The following FSAF1 variants were observed in gnomAD, a reference collection of about 807,000 sequenced individuals.
The protein encoded by FSAF1 is uncharacterized protein C1orf131.
At chr1:231,225,402 G>T in the FSAF1 span, 1 of 1,451,038 alleles carries the variant, frequency 6.9e-7, no homozygotes, top group African/African-American at 1.4e-5. Flanking sequence ...CATTCAAGGC[G>T]TCCTTGTCAG....
the FSAF1 span, among the ~76,000 whole-genome samples, chr1:231,232,371 G>A: frequency 6.6e-6 from 1 of 152,160 alleles, no homozygotes; most frequent in Non-Finnish European, 1.5e-5. Context: ...CAGAGGGGGT[G>A]TGTGCCTACT....
the FSAF1 span, chr1:231,236,642 A>C: frequency 6.6e-6 from 1 of 152,220 alleles, no homozygotes; most frequent in Non-Finnish European, 1.5e-5. Flanking sequence ...CAGAAAAAAG[A>C]ACATGAGGGA....
the FSAF1 span, among the ~76,000 whole-genome samples, chr1:231,232,046 A>G: frequency 8.2e-4 from 125 of 151,950 alleles, no homozygotes; most frequent in Middle Eastern, 0.01. Flanking sequence ...AACTTTTGGG[A>G]AAAAAAAATT....
At chr1:231,224,131 A>G in the FSAF1 span, 1 of 929,352 alleles carries the variant, frequency 1.1e-6, no homozygotes, top group Non-Finnish European at 1.5e-6. Context: ...GGCAACTAGA[A>G]ATGTTACTTC....
the FSAF1 span, chr1:231,225,248 T>C: frequency 7.0e-6 from 4 of 572,776 alleles, no homozygotes; most frequent in African/African-American, 5.6e-5. Context: ...TCACTTAGAG[T>C]GTCGGTGAAA....
chr1:231,225,305 T>C, the FSAF1 span: 1 of 627,058 alleles, frequency 1.6e-6, no homozygotes, highest in Non-Finnish European at 2.8e-6. Flanking sequence ...AGGCAGTTGT[T>C]TGATCTTGGG....
the FSAF1 span, among the ~76,000 whole-genome samples, chr1:231,233,833 G>A: frequency 1.3e-5 from 2 of 152,232 alleles, no homozygotes; most frequent in African/African-American, 4.8e-5. Flanking sequence ...TTAAAGGCAT[G>A]AGTCACCGTG....
the FSAF1 span, chr1:231,226,399 G>A: frequency 1.1e-4 from 34 of 317,758 alleles, no homozygotes; most frequent in Non-Finnish European, 1.5e-4. Context: ...ACCGGAGGCC[G>A]AGCAGATGCC....
the FSAF1 span, chr1:231,237,283 A>T: frequency 6.6e-6 from 1 of 152,252 alleles, no homozygotes; most frequent in Admixed American, 6.5e-5. Context: ...CAAACACTGG[A>T]CACTAACATA....
chr1:231,239,141 C>T, the FSAF1 span: 2 of 1,600,386 alleles, frequency 1.2e-6, no homozygotes, highest in Non-Finnish European at 1.7e-6. Context: ...TTCTTGTTTT[C>T]CCTTTTCTTT....
chr1:231,228,853 G>C, the FSAF1 span, among the ~76,000 whole-genome samples: 4 of 152,078 alleles, frequency 2.6e-5, no homozygotes, highest in African/African-American at 9.7e-5. Flanking sequence ...GCCAGGTGTG[G>C]TTGCAGGCAC....
chr1:231,233,412 T>C, the FSAF1 span, among the ~76,000 whole-genome samples: 3 of 152,102 alleles, frequency 2.0e-5, no homozygotes, highest in Non-Finnish European at 2.9e-5. Flanking sequence ...AATTCAGAAG[T>C]CTTTACATTT....
chr1:231,239,877 T>G, the FSAF1 span, among the ~76,000 whole-genome samples: 2 of 152,258 alleles, frequency 1.3e-5, no homozygotes, highest in African/African-American at 4.8e-5. Flanking sequence ...AATAGACACA[T>G]TCAATGCCTT....
At chr1:231,225,423 T>C in the FSAF1 span, 2 of 1,560,954 alleles carry the variant, frequency 1.3e-6, no homozygotes, top group South Asian at 2.2e-5. Context: ...AACTCATCAG[T>C]AGGTTCATCC....
chr1:231,227,587 T>TTG, the FSAF1 span, among the ~76,000 whole-genome samples: 1 of 137,226 alleles, frequency 7.3e-6, no homozygotes, highest in Non-Finnish European at 1.6e-5. Context: ...CGCCCACGGT[T>TTG]TTTTTTTTTT....
chr1:231,234,192 T>C, the FSAF1 span, among the ~76,000 whole-genome samples: 1 of 152,216 alleles, frequency 6.6e-6, no homozygotes, highest in African/African-American at 2.4e-5. The surrounding 1 kb of genome is among the most constrained non-coding windows in gnomAD (Gnocchi z 4.0). Flanking sequence ...AGTCTCAGGA[T>C]GCAAAGGTCC....
the FSAF1 span, among the ~76,000 whole-genome samples, chr1:231,235,042 T>C: frequency 6.6e-6 from 1 of 152,362 alleles, no homozygotes; most frequent in Admixed American, 6.5e-5. Context: ...CCAAAGTAGA[T>C]TGTACAGTAT....
At chr1:231,224,520 G>A in the FSAF1 span, 204 of 1,164,912 alleles carry the variant, frequency 1.8e-4, no homozygotes, top group East Asian at 3.4e-3. Flanking sequence ...ACTCCTGGTC[G>A]CCTGCCATGC....
the FSAF1 span, chr1:231,239,013 C>T: frequency 3.1e-6 from 5 of 1,614,066 alleles, no homozygotes; most frequent in Admixed American, 1.7e-5. Context: ...GAGCACAATG[C>T]CGCTCTTCTC....
Sources: allele counts gnomAD v4.1 joint callset (sites outside exome capture counted in the v4.1 genomes callset), GRCh38; gene constraint gnomAD v4.1.1; non-coding constraint Gnocchi (gnomAD v3.1); transcripts MANE v1.5; gene names NCBI Gene and HGNC (gene_info 2026-07-23, HGNC 2026-07-21).